Variants in CHRNA9 observed in about 807,000 individuals in gnomAD.
CHRNA9 encodes the protein cholinergic receptor nicotinic alpha 9 subunit.
In CHRNA9, 24 loss-of-function variants were observed where a neutral mutation model predicts 36.8. The ratio of observed to expected loss-of-function variants is 0.65; its 90% CI spans 0.47 to 0.92. The LOEUF (loss-of-function observed/expected upper bound fraction) is 0.92. Ranked by LOEUF, CHRNA9 falls within the 40% of genes least tolerant of loss-of-function variation. The pLI, the probability that CHRNA9 is intolerant of heterozygous loss-of-function variation, is 0.00. For missense variants in CHRNA9, 610 were observed against 601.2 expected (o/e 1.01, Z -0.15); for synonymous variants, 231 against 231.8 (o/e 1.00, Z 0.03).
chr4:40,342,083 T>G (rs1438515542), intron 3 of CHRNA9, among the ~76,000 whole-genome samples: 3 of 152,296 alleles, frequency 2.0e-5, no homozygotes, highest in South Asian at 2.1e-4. Context: ...GTTTTAATGG[T>G]TGGATTTTAG....
rs150671928 is a variant in CHRNA9 at position 40,338,468 on chromosome 4, C to T, written c.365+1104C>T. Among the ~76,000 whole-genome samples the T allele has an allele frequency of 1.4e-3, 219 of 152,268 alleles. 2 individuals are homozygous for T. The highest frequency in any genetic ancestry group is 5.1e-3 in the African/African-American group (213 of 41,552). The stretch of plus-strand genomic sequence containing the variant: ...GTGGCCCCGCCTGTTGTTGAAAGAG[C>T]TTCTCTCTGTTTTTATTCTGGAACC... On this transcript the variant is annotated intron_variant, in intron 3 of 4. Coordinates refer to ENST00000310169, the MANE Select transcript of CHRNA9 (RefSeq NM_017581.4).
At chr4:40,337,046 C>T (rs60714708) in intron 2 of CHRNA9, among the ~76,000 whole-genome samples, 164 bp from the exon 3 acceptor site, 13,380 of 152,150 alleles carry the variant, frequency 0.088, 1,862 homozygotes, top group African/African-American at 0.3. Flanking sequence ...ATGATCTTGG[C>T]AGTCAATCAA....
intron 3 of CHRNA9, chr4:40,347,985 G>A (rs1023300041): frequency 6.6e-6 from 1 of 152,198 alleles, no homozygotes; most frequent in Non-Finnish European, 1.5e-5. Flanking sequence ...ACATCTCATT[G>A]AATTAAAGGA....
intron 4 of CHRNA9, chr4:40,349,714 A>G (rs1490813714): frequency 8.5e-5 from 25 of 295,820 alleles, no homozygotes; most frequent in Non-Finnish European, 6.3e-6. Flanking sequence ...TCCCCTGGGA[A>G]CTTATAGAAA....
chr4:40,339,221 G>C (rs1177514526), intron 3 of CHRNA9, among the ~76,000 whole-genome samples: 2 of 134,474 alleles, frequency 1.5e-5, no homozygotes, highest in Non-Finnish European at 3.1e-5. Context: ...AGGGGTTGCA[G>C]TGAGCCAAGA....
intron 1 of CHRNA9, 89 bp downstream of exon 1, chr4:40,335,620 G>A: frequency 8.8e-7 from 1 of 1,139,538 alleles, no homozygotes; most frequent in Non-Finnish European, 1.3e-6. Flanking sequence ...AGACAAAACA[G>A]ATGATTCAAC....
At chr4:40,350,528 C>T (rs1365842291) in intron 4 of CHRNA9, among the ~76,000 whole-genome samples, 1 of 152,062 alleles carries the variant, frequency 6.6e-6, no homozygotes, top group Non-Finnish European at 1.5e-5. Flanking sequence ...TTAAAGTAAG[C>T]AACAAGGAGA....
chr4:40,336,681 C>T (rs550090463), intron 2 of CHRNA9, among the ~76,000 whole-genome samples: 38 of 152,046 alleles, frequency 2.5e-4, no homozygotes, highest in African/African-American at 8.7e-4. Flanking sequence ...AGGGTTTTAC[C>T]GTGTTAGTCA....
At position 40,342,535 on chromosome 4, in the gene CHRNA9, G is replaced by A. The variant is rs141860883; in HGVS notation, c.365+5171G>A. Among the ~76,000 whole-genome samples the A allele has an allele frequency of 3.0e-4, 45 of 152,314 alleles. 1 individual carries two copies. The East Asian group carries it at 7.5e-3, about 25-fold the overall frequency. ...ATAGAAGGAGAAGCAAGAGAGTCAT[G>A]TCATGAAAACCAAGGGAAGAGAGGA... On this transcript the variant is annotated intron_variant, in intron 3 of 4. Transcript: ENST00000310169.
rs1261480833 is a variant in CHRNA9, at chr4:40,349,201, T to C, written c.685T>C (p.Phe229Leu). ...CTCTGAGCCTTACCCGGATGTCACA[T>C]TCACCCTCCTTCTGAAGAGGAGGTC... ...CCSEPYPDVT[F>L]TLLLKRRSSF... is the part of the protein sequence containing the mutation. The change falls in exon 4 of 5, where the codon TTC (phenylalanine) becomes CTC (leucine). Residue 229 changes from phenylalanine to leucine, a missense_variant. Physicochemically the swap from Phe to Leu is conservative, Grantham distance 22. Coordinates refer to ENST00000310169, the MANE Select transcript of CHRNA9 (RefSeq NM_017581.4). 1 of 1,614,164 alleles carries C rather than the reference T, an allele frequency of 6.2e-7. No homozygotes were observed. Among genetic ancestry groups the C allele is most frequent in the Non-Finnish European group, 8.5e-7 (1 of 1,180,024 alleles).
Position 40,337,228 on chromosome 4 carries a change from C to G in CHRNA9, c.229C>G (p.Leu77Val), listed in dbSNP as rs1264763382. ...TGTGTAGGATGAAAGAAACCAAATTCTGACTGCTTATTTGTGGATCCGCCA... is the reference window on the plus strand; with the variant it reads ...TGTGTAGGATGAAAGAAACCAAATTGTGACTGCTTATTTGTGGATCCGCCA... ...IKDMDERNQI[L>V]TAYLWIRQIW... The change falls in exon 3 of 5, where the codon CTG (leucine) becomes GTG (valine). Residue 77 changes from leucine to valine, a missense_variant. By Grantham distance (32) the Leu-to-Val change is conservative (BLOSUM62 1). Coordinates refer to ENST00000310169, the MANE Select transcript of CHRNA9 (RefSeq NM_017581.4). 6.2e-7 allele frequency: 1 copy of G among 1,614,174 alleles called. No individual in the cohort carries two copies.
chr4:40,339,475 G>A (rs373078960), intron 3 of CHRNA9, among the ~76,000 whole-genome samples: 139 of 151,228 alleles, frequency 9.2e-4, no homozygotes, highest in African/African-American at 3.2e-3. Flanking sequence ...GAGGTCAGGA[G>A]ATCGAGACCA....
chr4:40,350,693 T>TACACACACACACACACACACACACAC (rs59972613), intron 4 of CHRNA9, among the ~76,000 whole-genome samples: 13 of 143,878 alleles, frequency 9.0e-5, no homozygotes, highest in Non-Finnish European at 1.8e-4. Context: ...CTTTGCAAAA[T>TACACACACACACACACACACACACAC]ACACACACAC....
At chr4:40,351,626 C>T (rs569412022) in intron 4 of CHRNA9, among the ~76,000 whole-genome samples, 43 of 152,314 alleles carry the variant, frequency 2.8e-4, no homozygotes, top group Admixed American at 2.3e-3. Flanking sequence ...CCCTTGATAT[C>T]GGTTTCTGGC....
In CHRNA9 at chr4:40,355,128, A is replaced by T. The variant is rs1278889250; in HGVS notation, c.*608A>T. 6.6e-6 allele frequency: 1 copy of T among 152,250 alleles called. No individual in the cohort carries two copies. The highest frequency in any genetic ancestry group is 1.5e-5 in the Non-Finnish European group (1 of 68,074). 9.4% of individuals were successfully genotyped at this position (152,250 alleles called of 1,614,324 possible). The stretch of plus-strand genomic sequence containing the variant: ...ATGTTTTATATAAACCCAAAAGATG[A>T]AGTCATTCCTGCATTTACCCTTTGA... On this transcript the variant is annotated 3_prime_UTR_variant, in exon 5 of 5. Transcript: ENST00000310169.
chr4:40,337,082 G>C (rs953237447), intron 2 of CHRNA9, 128 bp from the exon 3 acceptor site: 2 of 783,300 alleles, frequency 2.6e-6, no homozygotes, highest in Non-Finnish European at 4.1e-6. Context: ...AAAGAATAAA[G>C]CTCTCACTTT....
rs1412866721 is a variant in CHRNA9 at position 40,337,295 on chromosome 4, A to G, written c.296A>G (p.Tyr99Cys). 1 of 1,614,244 alleles carries G rather than the reference A, an allele frequency of 6.2e-7. No homozygotes were observed. Among genetic ancestry groups the G allele is most frequent in the Non-Finnish European group, 8.5e-7 (1 of 1,180,026 alleles). Residue 99 changes from tyrosine (Y) to cysteine (C), a missense_variant, in exon 3 of 5, where the codon TAC becomes TGC. By Grantham distance (194) the Tyr-to-Cys change is radical. Transcript: ENST00000310169. ...DAYLTWDRDQ[Y>C]DGLDSIRIPS... ...TATCTCACGTGGGACCGAGATCAGT[A>G]CGATGGCCTAGACTCCATCAGGATC...
intron 1 of CHRNA9, 147 bp downstream of exon 1, chr4:40,335,678 C>T: frequency 2.0e-6 from 2 of 991,996 alleles, no homozygotes; most frequent in Non-Finnish European, 3.1e-6. Flanking sequence ...CTTGGTAGGG[C>T]ATGCCAGAAA....
chr4:40,349,537 C>T (rs929799266), intron 4 of CHRNA9, 123 bp downstream of exon 4: 23 of 946,888 alleles, frequency 2.4e-5, no homozygotes, highest in Admixed American at 1.0e-4. Flanking sequence ...TACAGACTGT[C>T]TCAAATTTTT....
Sources: allele counts gnomAD v4.1 joint callset (sites outside exome capture counted in the v4.1 genomes callset), GRCh38; gene constraint gnomAD v4.1.1; transcripts MANE v1.5; gene names NCBI Gene and HGNC (gene_info 2026-07-23, HGNC 2026-07-21).